Variants in SOX6 observed in about 807,000 individuals in gnomAD.
The protein encoded by SOX6 is SRY-box transcription factor 6.
In SOX6, 11 loss-of-function variants were observed where a neutral mutation model predicts 97.8. The observed-to-expected ratio is 0.11, with a 90% CI of 0.07 to 0.19. The LOEUF (loss-of-function observed/expected upper bound fraction) is 0.19. SOX6 is among the 10% of genes least tolerant of loss of function. The probability of loss-of-function intolerance (pLI) is 1.00; values close to 1 mark genes in which losing one functional copy is unlikely to be tolerated. For synonymous variants in SOX6, 360 were observed against 371.4 expected (o/e 0.97, Z 0.35); for missense variants, 810 against 1,039.5 (o/e 0.78, Z 3.04).
At chr11:16,462,253 G>T (rs532059582) in intron 1 of SOX6, among the ~76,000 whole-genome samples, 1 of 152,338 alleles carries the variant, frequency 6.6e-6, no homozygotes, top group South Asian at 2.1e-4. Flanking sequence ...TTGCAAGCAG[G>T]CCAGCCTGCT....
At chr11:15,988,710 C>T (rs1003238221) in intron 14 of SOX6, among the ~76,000 whole-genome samples, 3 of 152,222 alleles carry the variant, frequency 2.0e-5, no homozygotes, top group African/African-American at 7.2e-5. Context: ...GCTAAATTCA[C>T]AGTATTAACA....
intron 4 of SOX6, among the ~76,000 whole-genome samples, chr11:16,522,101 C>T (rs1345875881): frequency 6.6e-6 from 1 of 152,018 alleles, no homozygotes; most frequent in Non-Finnish European, 1.5e-5. Context: ...CAAGGCAGGC[C>T]AACATTCACA....
At chr11:16,169,492 A>C (rs1044347029) in intron 6 of SOX6, among the ~76,000 whole-genome samples, 1 of 152,130 alleles carries the variant, frequency 6.6e-6, no homozygotes, top group Non-Finnish European at 1.5e-5. Context: ...AAAATGATCA[A>C]GTTTACAAAG....
intron 6 of SOX6, among the ~76,000 whole-genome samples, chr11:16,112,795 A>G (rs557102776): frequency 1.1e-4 from 17 of 152,262 alleles, no homozygotes; most frequent in Admixed American, 9.2e-4. Flanking sequence ...TACTCTATGC[A>G]TGCTGCCCGG....
At position 15,966,544 on chromosome 11, in the gene SOX6, A is replaced by C. The variant is rs1849399113; in HGVS notation, c.*6265T>G. On this transcript the variant is annotated 3_prime_UTR_variant, in exon 16 of 16. Coordinates refer to ENST00000683767, the MANE Select transcript of SOX6 (RefSeq NM_001367873.1). The stretch of plus-strand genomic sequence containing the variant: ...GATTAGGGTAGAGAGGACAGTCTTG[A>C]GGTAAATGAGCATAAATAGGCAGTT... The C allele has an allele frequency of 6.6e-6, 1 of 152,264 alleles. No homozygotes were observed. Among genetic ancestry groups the C allele is most frequent in the Non-Finnish European group, 1.5e-5 (1 of 68,064 alleles). The allele number at this position is 152,264 out of a possible 1,614,324, so 9.4% of individuals were successfully genotyped here.
chr11:16,646,765 T>A (rs1427400634), intron 3 of SOX6, among the ~76,000 whole-genome samples: 1 of 152,220 alleles, frequency 6.6e-6, no homozygotes, highest in Non-Finnish European at 1.5e-5. Flanking sequence ...AATAATAGTC[T>A]CCAGTTCCAT....
intron 4 of SOX6, among the ~76,000 whole-genome samples, chr11:16,493,042 A>G (rs1208009971): frequency 6.6e-6 from 1 of 152,200 alleles, no homozygotes; most frequent in Non-Finnish European, 1.5e-5. Context: ...GAATTTGTGT[A>G]ACAGCTTGAC....
At chr11:16,215,773 C>T (rs972710906) in intron 4 of SOX6, among the ~76,000 whole-genome samples, 1 of 152,024 alleles carries the variant, frequency 6.6e-6, no homozygotes, top group African/African-American at 2.4e-5. Context: ...TAATTCTAGT[C>T]CCACAATTCT....
chr11:16,474,414 C>T (rs576981965), intron 1 of SOX6, among the ~76,000 whole-genome samples: 1 of 152,272 alleles, frequency 6.6e-6, no homozygotes, highest in East Asian at 1.9e-4. Context: ...ACAAAATGTA[C>T]TTCTGAAATA....
chr11:16,079,548 A>G (rs1208341835), intron 9 of SOX6, among the ~76,000 whole-genome samples: 1 of 152,194 alleles, frequency 6.6e-6, no homozygotes, highest in Non-Finnish European at 1.5e-5. Flanking sequence ...TAGATTTATT[A>G]AATATAAATT....
intron 2 of SOX6, among the ~76,000 whole-genome samples, chr11:16,716,660 A>G (rs1025923759): frequency 1.3e-5 from 2 of 152,170 alleles, no homozygotes; most frequent in East Asian, 1.9e-4. Flanking sequence ...ATCATTCATA[A>G]TAAGTCAAAA....
intron 4 of SOX6, among the ~76,000 whole-genome samples, chr11:16,210,561 T>C (rs918143077): frequency 8.5e-5 from 13 of 152,216 alleles, no homozygotes; most frequent in Admixed American, 8.5e-4. Flanking sequence ...AAATTGATGG[T>C]GGCAGATGAA....
At chr11:16,239,616 T>C (rs1196754152) in intron 3 of SOX6, among the ~76,000 whole-genome samples, 1 of 152,098 alleles carries the variant, frequency 6.6e-6, no homozygotes, top group East Asian at 1.9e-4. Flanking sequence ...AAATATCTCA[T>C]ACAATACTAT....
chr11:16,714,451 CT>C lies in SOX6; in HGVS notation n.429+378del, dbSNP rs761435639. Among the ~76,000 whole-genome samples, 481 of 116,380 alleles carry C rather than the reference CT, an allele frequency of 4.1e-3. 2 individuals carry two copies. The highest frequency in any genetic ancestry group is 0.026 in the East Asian group (105 of 4,052). 76.3% of individuals were successfully genotyped at this position (116,380 alleles called of 152,430 possible). A position where few individuals can be genotyped will look rare whatever the true frequency, so the allele number is the denominator to read the frequency against. On this transcript the variant is annotated intron_variant and non_coding_transcript_variant, in intron 3 of 5. Transcript: ENST00000524520. The stretch of plus-strand genomic sequence containing the variant: ...CCAAATGTGTCTTTTAATTTTCTTT[CT>C]TTTTTTTTTTTTTTTTTTTCAGACA...
intron 1 of SOX6, among the ~76,000 whole-genome samples, chr11:16,455,286 T>A (rs550031233): frequency 2.6e-5 from 4 of 152,144 alleles, no homozygotes; most frequent in Non-Finnish European, 4.4e-5. Flanking sequence ...AAAATTTTTT[T>A]AAATATTTTA....
At chr11:16,005,344 G>T (rs1306120087) in intron 13 of SOX6, among the ~76,000 whole-genome samples, 2 of 151,418 alleles carry the variant, frequency 1.3e-5, no homozygotes, top group Non-Finnish European at 2.9e-5. Context: ...TCACATCTCC[G>T]CAGTTCCCAT....
intron 1 of SOX6, among the ~76,000 whole-genome samples, chr11:16,378,910 C>T (rs990781718): frequency 2.6e-5 from 4 of 151,992 alleles, no homozygotes; most frequent in African/African-American, 4.8e-5. Flanking sequence ...GAATAATGTA[C>T]AATACTTTGT....
intron 2 of SOX6, among the ~76,000 whole-genome samples, chr11:16,335,514 TA>T (rs1037305958): frequency 1.3e-5 from 2 of 152,182 alleles, no homozygotes; most frequent in African/African-American, 4.8e-5. Context: ...ACAGTCTCAA[TA>T]AAAGTGGGGA....
At chr11:16,205,228 G>C (rs762045408) in intron 4 of SOX6, among the ~76,000 whole-genome samples, 1 of 152,070 alleles carries the variant, frequency 6.6e-6, no homozygotes, top group Non-Finnish European at 1.5e-5. Context: ...GCTAGTTAAG[G>C]GAGGAGATTA....
Sources: allele counts gnomAD v4.1 joint callset (sites outside exome capture counted in the v4.1 genomes callset), GRCh38; gene constraint gnomAD v4.1.1; transcripts MANE v1.5; gene names NCBI Gene and HGNC (gene_info 2026-07-23, HGNC 2026-07-21).